Variants in RARB observed in about 807,000 individuals in gnomAD.
RARB encodes the protein HBV-activated protein.
In RARB, 17 loss-of-function variants were observed where a neutral mutation model predicts 51.9. That is an observed-to-expected ratio of 0.33 (90% CI 0.22 to 0.49). The LOEUF (loss-of-function observed/expected upper bound fraction) is 0.49. Among genes scored for constraint, RARB ranks in the 20% least tolerant of loss-of-function variants. The pLI is 0.99. For missense variants in RARB, 369 were observed against 550.8 expected, an observed-to-expected ratio of 0.67 and a Z score of 3.30; for synonymous variants, 215 against 195.4, an observed-to-expected ratio of 1.10 and a Z score of -0.84.
chr3:24,920,158 T>G (rs1000727483), intron 2 of RARB, among the ~76,000 whole-genome samples: 2 of 152,242 alleles, frequency 1.3e-5, no homozygotes, highest in Admixed American at 1.3e-4. Flanking sequence ...GAAGAGGTCC[T>G]GCTGGGACTA....
At chr3:25,505,511 C>G (rs970437122) in intron 3 of RARB, among the ~76,000 whole-genome samples, 2 of 151,212 alleles carry the variant, frequency 1.3e-5, no homozygotes, top group African/African-American at 4.9e-5. Context: ...AATCCTTTAA[C>G]GTGGCCTATC....
At chr3:25,437,101 C>T (rs1273187996) in intron 1 of RARB, among the ~76,000 whole-genome samples, 1 of 147,644 alleles carries the variant, frequency 6.8e-6, no homozygotes, top group Admixed American at 6.9e-5. Context: ...GCTTACGTGC[C>T]TTTGCTAAAA....
chr3:25,443,608 A>G (rs1259690714), intron 1 of RARB, among the ~76,000 whole-genome samples: 1 of 133,972 alleles, frequency 7.5e-6, no homozygotes, highest in Non-Finnish European at 1.6e-5. Flanking sequence ...CAGACAGTCC[A>G]TCTAAAATAT....
chr3:25,482,472 AAC>A (rs908457699), intron 2 of RARB, among the ~76,000 whole-genome samples: 55 of 151,862 alleles, frequency 3.6e-4, no homozygotes, highest in African/African-American at 1.2e-3. Flanking sequence ...GAAATATGCT[AAC>A]AACAAATGCA....
At chr3:25,574,420 T>C (rs1700838729) in intron 4 of RARB, among the ~76,000 whole-genome samples, 1 of 152,194 alleles carries the variant, frequency 6.6e-6, no homozygotes, top group East Asian at 1.9e-4. Context: ...TGTGCAGCTC[T>C]CCTCCTCTCC....
chr3:25,313,058 T>G (rs1384673896), intron 5 of RARB, among the ~76,000 whole-genome samples: 2 of 152,234 alleles, frequency 1.3e-5, no homozygotes, highest in Non-Finnish European at 2.9e-5. Flanking sequence ...TTACTTTCCA[T>G]GTTAAGGCTT....
chr3:24,948,356 G>C (rs1006516008), intron 2 of RARB, among the ~76,000 whole-genome samples: 5 of 152,198 alleles, frequency 3.3e-5, no homozygotes, highest in Admixed American at 1.3e-4. Flanking sequence ...CCATTTCCTA[G>C]CTAGGTAACA....
intron 5 of RARB, among the ~76,000 whole-genome samples, chr3:25,176,419 T>C (rs1029916986): frequency 6.8e-6 from 1 of 146,642 alleles, no homozygotes; most frequent in African/African-American, 2.5e-5. Context: ...ATTTTTGAGA[T>C]GGTATCTCGC....
chr3:25,462,730 A>T lies in RARB; in HGVS notation c.306+1389A>T, dbSNP rs551822101. On this transcript the variant is annotated intron_variant, in intron 2 of 7. Coordinates refer to ENST00000330688, the MANE Select transcript of RARB (RefSeq NM_000965.5). Reference sequence around the variant, plus strand: ...TAGGCTCCACCATGTATCTCTGGGCAGTTGTAGGTTAGCTAGTTGGCTCTG... The same window carrying T: ...TAGGCTCCACCATGTATCTCTGGGCTGTTGTAGGTTAGCTAGTTGGCTCTG... 5.7e-4 allele frequency among the ~76,000 whole-genome samples: 87 copies of T among 152,320 alleles called. No homozygotes were observed. In the South Asian group the frequency reaches 0.017, roughly 30 times the overall value.
chr3:24,946,864 A>C (rs1042009176), intron 2 of RARB, among the ~76,000 whole-genome samples: 3 of 152,196 alleles, frequency 2.0e-5, no homozygotes, highest in Non-Finnish European at 1.5e-5. Flanking sequence ...GACACTGTCA[A>C]TCATAATAGT....
intron 5 of RARB, among the ~76,000 whole-genome samples, chr3:25,302,038 C>T (rs1452750252): frequency 6.6e-6 from 1 of 152,038 alleles, no homozygotes; most frequent in Non-Finnish European, 1.5e-5. Context: ...ACGTTAATGC[C>T]AAGAAGAATA....
At chr3:25,334,279 A>G (rs369101111) in intron 5 of RARB, among the ~76,000 whole-genome samples, 1 of 152,216 alleles carries the variant, frequency 6.6e-6, no homozygotes, top group African/African-American at 2.4e-5. Flanking sequence ...GAACCAACCC[A>G]CATGTCCATT....
intron 2 of RARB, among the ~76,000 whole-genome samples, chr3:24,872,879 C>T (rs1198540113): frequency 2.6e-5 from 4 of 152,192 alleles, no homozygotes; most frequent in Non-Finnish European, 5.9e-5. Flanking sequence ...ATCCCTTACT[C>T]ATCCCTGCGC....
At chr3:25,013,719 G>A (rs1697446585) in intron 2 of RARB, among the ~76,000 whole-genome samples, 1 of 152,038 alleles carries the variant, frequency 6.6e-6, no homozygotes, top group Non-Finnish European at 1.5e-5. Flanking sequence ...AGTGAGAGCT[G>A]GAATTGAGAG....
intron 2 of RARB, among the ~76,000 whole-genome samples, chr3:25,038,254 T>C (rs1698039264): frequency 6.6e-6 from 1 of 152,154 alleles, no homozygotes; most frequent in African/African-American, 2.4e-5. Flanking sequence ...AGTCAAGAAA[T>C]TCATGTAAAA....
chr3:25,535,089 A>G (rs1393660046), intron 3 of RARB, among the ~76,000 whole-genome samples: 1 of 152,208 alleles, frequency 6.6e-6, no homozygotes, highest in East Asian at 1.9e-4. Flanking sequence ...CCAGTGAAGG[A>G]AAAGCAGCAA....
intron 2 of RARB, among the ~76,000 whole-genome samples, chr3:24,953,072 T>G (rs1276762149): frequency 2.6e-5 from 4 of 152,176 alleles, no homozygotes; most frequent in Non-Finnish European, 5.9e-5. Flanking sequence ...CTGTTATATC[T>G]TCTAGGGAGA....
At chr3:25,397,727 A>T (rs565064156) in intron 5 of RARB, among the ~76,000 whole-genome samples, 1 of 152,242 alleles carries the variant, frequency 6.6e-6, no homozygotes, top group African/African-American at 2.4e-5. Flanking sequence ...AATGTTTTCC[A>T]TGTCCATGGT....
At chr3:25,328,891 C>G (rs376727284) in intron 5 of RARB, among the ~76,000 whole-genome samples, 1 of 152,188 alleles carries the variant, frequency 6.6e-6, no homozygotes, top group Non-Finnish European at 1.5e-5. Context: ...GTGCCTGGCT[C>G]GGAGGGTCCC....
Sources: allele counts gnomAD v4.1 joint callset (sites outside exome capture counted in the v4.1 genomes callset), GRCh38; gene constraint gnomAD v4.1.1; transcripts MANE v1.5; gene names NCBI Gene and HGNC (gene_info 2026-07-23, HGNC 2026-07-21).